The following MYH11 variants were observed in gnomAD, a reference collection of about 807,000 sequenced individuals.
The protein encoded by MYH11 is myosin heavy chain 11, also known as myosin-11.
In MYH11, 80 loss-of-function variants were observed where a neutral mutation model predicts 246.6. The ratio of observed to expected loss-of-function variants is 0.32; its 90% CI spans 0.27 to 0.39. MYH11 has a LOEUF of 0.39. Ranked by LOEUF, MYH11 falls within the 10% of genes least tolerant of loss-of-function variation. MYH11 has a pLI of 1.00. For synonymous variants in MYH11, 1,071 were observed against 1,015.5 expected, an observed-to-expected ratio of 1.05 and a Z score of -1.04; for missense variants, 2,158 against 2,546.8, an observed-to-expected ratio of 0.85 and a Z score of 3.29.
rs887595627 is a variant in MYH11 at position 15,721,140 on chromosome 16, C to T, written c.4579-89G>A. ...CACCGTGAGCGGCACCTCAGGAGATCAGGGAGGTGGCTTTGGCCTCCCACA... is the reference window on the plus strand; with the variant it reads ...CACCGTGAGCGGCACCTCAGGAGATTAGGGAGGTGGCTTTGGCCTCCCACA... On this transcript the variant is annotated intron_variant, in intron 32 of 40. Transcript: ENST00000300036. The T allele has an allele frequency of 2.8e-6, 4 of 1,441,206 alleles. No individual in the cohort carries two copies. In the Admixed American group the frequency reaches 5.4e-5, roughly 19 times the overall value. The allele number at this position is 1,441,206 out of a possible 1,614,324, so 89.3% of individuals were successfully genotyped here.
chr16:15,704,074 T>C lies in MYH11; in HGVS notation c.5836A>G (p.Arg1946Gly), dbSNP rs1277442569. Residue 1946 changes from arginine to glycine, a missense_variant, in exon 41 of 41, where the codon AGA (arginine) becomes GGA (glycine). By Grantham distance (125) the Arg-to-Gly change is moderately radical. This residue lies in a region of MYH11 where 1,013 missense variants were observed against 993.5 expected (regional missense o/e 1.02). Transcript: ENST00000300036. ...GAACCATCTGCATTTTCAATAACTC[T>C]ACGTCCTCCAGACCTTCTAGAAGGA... ...FVPSRRSGGR[R>G]VIENADGSEE... The C allele has an allele frequency of 5.6e-6, 9 of 1,614,066 alleles. No homozygotes were observed. Among genetic ancestry groups the C allele is most frequent in the Non-Finnish European group, 6.8e-6 (8 of 1,180,044 alleles).
In MYH11 at chr16:15,759,324, A is replaced by C. The variant is rs563374612; in HGVS notation, c.1401+252T>G. On this transcript the variant is annotated intron_variant, in intron 12 of 40. Coordinates refer to ENST00000300036, the MANE Select transcript of MYH11 (RefSeq NM_002474.3). ...AATATGGAGGAAGGCAGAGAGAGAG[A>C]GAGAACGATGGCGGGAGATCAGACC... Among the ~76,000 whole-genome samples the C allele has an allele frequency of 4.0e-4, 60 of 151,746 alleles. 2 individuals carry two copies. In the South Asian group the frequency reaches 0.012, roughly 31 times the overall value.
At chr16:15,747,500 G>C (rs1448753177) in intron 19 of MYH11, 70 bp downstream of exon 19, 9 of 1,585,610 alleles carry the variant, frequency 5.7e-6, no homozygotes, top group Middle Eastern at 1.7e-4. Context: ...TAGAATCAGG[G>C]AATCAGAACA....
chr16:15,823,322 C>G lies in MYH11; in HGVS notation c.435G>C (p.Lys145Asn). Residue 145 changes from lysine to asparagine, a missense_variant, in exon 3 of 41, where the codon AAG becomes AAC. By Grantham distance (94) the Lys-to-Asn change is moderately conservative (BLOSUM62 0). Transcript: ENST00000300036. ...TGTGAGGCGGCATCTCGTGCCTCTT[C>G]TTGCCCTTGTACATGTCGACGATCT... ...SEKIVDMYKG[K>N]KRHEMPPHIY... The G allele has an allele frequency of 6.2e-7, 1 of 1,614,214 alleles. No homozygotes were observed. Among genetic ancestry groups the G allele is most frequent in the Non-Finnish European group, 8.5e-7 (1 of 1,180,036 alleles).
chr16:15,833,938 G>C (rs2043821030), intron 2 of MYH11, among the ~76,000 whole-genome samples: 1 of 152,070 alleles, frequency 6.6e-6, no homozygotes, highest in Non-Finnish European at 1.5e-5. Context: ...GAGAAGAGCG[G>C]GACCATCATC....
At chr16:15,837,229 A>G (rs973607429) in intron 2 of MYH11, among the ~76,000 whole-genome samples, 1 of 152,122 alleles carries the variant, frequency 6.6e-6, no homozygotes, top group Non-Finnish European at 1.5e-5. Flanking sequence ...CCTGGCTGCC[A>G]AGACAAACCA....
rs78372335 is a variant in MYH11 at position 15,716,921 on chromosome 16, G to A, written c.5504+219C>T. On this transcript the variant is annotated intron_variant, in intron 38 of 40. Transcript: ENST00000300036. The stretch of plus-strand genomic sequence containing the variant: ...GTCAGGAGGACCATGGAGATGCTAA[G>A]AGCAGCTCACACTTTAGGTGCTTGC... 2.5e-3 allele frequency among the ~76,000 whole-genome samples: 376 copies of A among 152,350 alleles called. 2 individuals carry two copies. The highest frequency in any genetic ancestry group is 8.5e-3 in the African/African-American group (355 of 41,586).
Position 15,771,672 on chromosome 16 carries a change from G to A in MYH11, c.930C>T (p.Leu310=), listed in dbSNP as rs1203685886. The part of the protein sequence containing the change: ...LLEGFNNYTF[L]SNGFVPIPAA... ...CTGGGATGGGCACAAAGCCATTGGA[G>A]AGGAAGGTGTAGTTGTTGAAGCCCT... The change falls in exon 9 of 41, where the codon CTC becomes CTT. Residue 310 remains leucine (L), a synonymous_variant. Transcript: ENST00000300036. 1.2e-6 allele frequency: 2 copies of A among 1,613,986 alleles called. No homozygotes were observed. Among genetic ancestry groups the A allele is most frequent in the Non-Finnish European group, 1.7e-6 (2 of 1,180,036 alleles).
At chr16:15,723,315 C>G (rs1231427523) in intron 31 of MYH11, among the ~76,000 whole-genome samples, 1 of 152,006 alleles carries the variant, frequency 6.6e-6, no homozygotes, top group Non-Finnish European at 1.5e-5. Context: ...GAAATGTACC[C>G]AAGAGATAAG....
At chr16:15,788,095 T>TTTTTTTTTTTTTTTC (rs11273419) in intron 4 of MYH11, among the ~76,000 whole-genome samples, 1 of 99,488 alleles carries the variant, frequency 1.0e-5, no homozygotes, top group African/African-American at 3.4e-5. Context: ...TTTTTTTTTT[T>TTTTTTTTTTTTTTTC]ACCAAGATGG....
chr16:15,801,931 T>C lies in MYH11; in HGVS notation c.503-3244A>G, dbSNP rs9927782. 7.2e-3 allele frequency among the ~76,000 whole-genome samples: 1,099 copies of C among 152,150 alleles called. 25 individuals carry two copies. In the East Asian group the frequency reaches 0.073, roughly 10 times the overall value. ...GAGATCATGCCACTACACTCCAGCC[T>C]GGGCAACAGAGCGAGACTCCAAAAA... On this transcript the variant is annotated intron_variant, in intron 3 of 40. Coordinates refer to ENST00000300036, the MANE Select transcript of MYH11 (RefSeq NM_002474.3).
At chr16:15,775,806 G>C (rs548890990) in intron 8 of MYH11, 11 of 533,580 alleles carry the variant, frequency 2.1e-5, no homozygotes, top group African/African-American at 1.9e-4. Context: ...GATGCTCTCT[G>C]GTCTAATGAG....
Position 15,721,062 on chromosome 16 carries a change from A to G in MYH11, c.4579-11T>C, listed in dbSNP as rs1378031468. On this transcript the variant is annotated splice_polypyrimidine_tract_variant and intron_variant, in intron 32 of 40. Coordinates refer to ENST00000300036, the MANE Select transcript of MYH11 (RefSeq NM_002474.3). Reference sequence around the variant, plus strand: ...CTCCAGCTCATGGACCTGCCGGCAGAGCGGGCAGCCCCATTCTATGAGGCT... The same window carrying G: ...CTCCAGCTCATGGACCTGCCGGCAGGGCGGGCAGCCCCATTCTATGAGGCT... 3 of 1,613,372 alleles carry G rather than the reference A, an allele frequency of 1.9e-6. No individual in the cohort carries two copies. Among genetic ancestry groups the G allele is most frequent in the Non-Finnish European group, 2.5e-6 (3 of 1,179,842 alleles).
chr16:15,755,084 A>G lies in MYH11; in HGVS notation c.1749+1257T>C, dbSNP rs573842471. ...ATGGGCATGGCTGTGTTCCAATAAAACTTTATTTACAATAACAAGCTGTGG... is the reference window on the plus strand; with the variant it reads ...ATGGGCATGGCTGTGTTCCAATAAAGCTTTATTTACAATAACAAGCTGTGG... On this transcript the variant is annotated intron_variant, in intron 14 of 40. Coordinates refer to ENST00000300036, the MANE Select transcript of MYH11 (RefSeq NM_002474.3). Among the ~76,000 whole-genome samples, 4 of 152,198 alleles carry G rather than the reference A, an allele frequency of 2.6e-5. No homozygotes were observed. The East Asian group carries it at 7.7e-4, about 29-fold the overall frequency.
chr16:15,838,089 C>T lies in MYH11; in HGVS notation c.164G>A (p.Gly55Glu). Reference protein sequence around the residue: ...FEAASIKEEKGDEVVVELVEN... With the variant: ...FEAASIKEEKEDEVVVELVEN... ...CACCAGCTCCACAACCACCTCATCC[C>T]CCTTCTCCTCCTTAATGCTGGCTGC... is the stretch of plus-strand genomic sequence containing the variant. Residue 55 changes from glycine (G) to glutamate (E), a missense_variant, in exon 2 of 41, where the codon GGG becomes GAG. Gly to Glu is a moderately conservative substitution (Grantham distance 98). Around this residue, in one of 11 missense-constraint regions of MYH11, gnomAD observed 96 missense variants for 91.9 expected, o/e 1.04. Transcript: ENST00000300036. The T allele has an allele frequency of 6.2e-7, 1 of 1,614,120 alleles. No individual in the cohort carries two copies. The highest frequency in any genetic ancestry group is 8.5e-7 in the Non-Finnish European group (1 of 1,180,032).
chr16:15,739,987 A>AAAGTGCTCGGAT (rs2041225503), intron 23 of MYH11, 64 bp downstream of exon 23: 2 of 1,556,612 alleles, frequency 1.3e-6, no homozygotes, highest in Non-Finnish European at 1.8e-6. Flanking sequence ...AGTGATCCAC[A>AAAGTGCTCGGAT]TACCTTGGCC....
intron 3 of MYH11, among the ~76,000 whole-genome samples, chr16:15,818,519 G>A (rs541809994): frequency 2.0e-5 from 3 of 152,036 alleles, no homozygotes; most frequent in South Asian, 2.1e-4. Flanking sequence ...TGCAAGCTCC[G>A]CCTCTTGGGT....
At chr16:15,829,791 T>C (rs1316649629) in intron 2 of MYH11, among the ~76,000 whole-genome samples, 1 of 151,650 alleles carries the variant, frequency 6.6e-6, no homozygotes, top group Non-Finnish European at 1.5e-5. Flanking sequence ...GCAGCAGAAA[T>C]GAGGAACAGG....
chr16:15,741,732 A>T, intron 21 of MYH11, 28 bp downstream of exon 21: 1 of 1,614,122 alleles, frequency 6.2e-7, no homozygotes. Context: ...GTTCCCCAGC[A>T]ACCCCAGCCA....
Sources: allele counts gnomAD v4.1 joint callset (sites outside exome capture counted in the v4.1 genomes callset), GRCh38; gene constraint gnomAD v4.1.1; regional missense constraint gnomAD v4.1.1; transcripts MANE v1.5; gene names NCBI Gene and HGNC (gene_info 2026-07-23, HGNC 2026-07-21).